The following DAB1 variants were observed in gnomAD, a reference collection of about 807,000 sequenced individuals.
DAB1 encodes DAB adaptor protein 1.
In DAB1, 15 loss-of-function variants were observed where a neutral mutation model predicts 64.6. The ratio of observed to expected loss-of-function variants is 0.23; its 90% CI spans 0.16 to 0.36. The LOEUF is 0.36. Ranked by LOEUF, DAB1 falls within the 10% of genes least tolerant of loss-of-function variation. The pLI, the probability that DAB1 is intolerant of heterozygous loss-of-function variation, is 1.00. For synonymous variants in DAB1, 235 were observed against 251.9 expected (o/e 0.93, Z 0.64); for missense variants, 596 against 706.7 (o/e 0.84, Z 1.78).
At chr1:57,743,318 C>A (rs1032061841) in intron 6 of DAB1, among the ~76,000 whole-genome samples, 2 of 152,296 alleles carry the variant, frequency 1.3e-5, no homozygotes, top group East Asian at 1.9e-4. Context: ...TCTCCCCCAC[C>A]CTTAAGAAGG....
intron 9 of DAB1, among the ~76,000 whole-genome samples, chr1:57,049,793 C>T (rs968159966): frequency 3.5e-4 from 53 of 152,164 alleles, no homozygotes; most frequent in Admixed American, 3.3e-3. Context: ...AACTGCATTG[C>T]CTGGGCTCCT....
intron 3 of DAB1, among the ~76,000 whole-genome samples, chr1:57,143,835 T>C (rs992051525): frequency 2.0e-5 from 3 of 151,946 alleles, no homozygotes; most frequent in Non-Finnish European, 4.4e-5. Flanking sequence ...GCTTTTTTTT[T>C]TCCTTTTCTT....
At chr1:57,233,642 C>T (rs1177769347) in intron 2 of DAB1, among the ~76,000 whole-genome samples, 1 of 151,254 alleles carries the variant, frequency 6.6e-6, no homozygotes, top group African/African-American at 2.4e-5. Context: ...ACCTGTAATC[C>T]CAGCTACTCA....
At chr1:58,451,939 C>T (rs1476823297) in intron 3 of DAB1, among the ~76,000 whole-genome samples, 15 of 126,166 alleles carry the variant, frequency 1.2e-4, no homozygotes, top group African/African-American at 3.6e-4. Context: ...TTTTTTTTGA[C>T]GGAGTTTCAC....
At chr1:57,337,463 A>G (rs925303627) in intron 1 of DAB1, among the ~76,000 whole-genome samples, 9 of 152,054 alleles carry the variant, frequency 5.9e-5, no homozygotes, top group Non-Finnish European at 1.0e-4. Context: ...GCCTCCTTGG[A>G]GCCTTTGCTC....
chr1:57,353,921 CT>C (rs1490570121), intron 1 of DAB1, among the ~76,000 whole-genome samples: 8 of 152,186 alleles, frequency 5.3e-5, no homozygotes, highest in Non-Finnish European at 8.8e-5. Context: ...CTCAAAGCTT[CT>C]TTTCCTTTCA....
chr1:57,281,248 G>A (rs941884700), intron 2 of DAB1, among the ~76,000 whole-genome samples: 1 of 152,166 alleles, frequency 6.6e-6, no homozygotes, highest in Non-Finnish European at 1.5e-5. Flanking sequence ...TGGAGAAAAT[G>A]CAAAGTGGTT....
At chr1:57,686,395 A>G (rs533428545) in intron 6 of DAB1, among the ~76,000 whole-genome samples, 1 of 152,282 alleles carries the variant, frequency 6.6e-6, no homozygotes, top group South Asian at 2.1e-4. Context: ...CCAAAATTCA[A>G]TCAGTAACAA....
At chr1:58,118,073 A>G (rs74472212) in intron 5 of DAB1, among the ~76,000 whole-genome samples, 5,316 of 151,260 alleles carry the variant, frequency 0.035, 218 homozygotes, top group South Asian at 0.1. Context: ...CTGCTAACTT[A>G]TTATTTTTTT....
Position 57,015,257 on chromosome 1 carries a change from A to G in DAB1, c.1070T>C (p.Val357Ala). ...GGCGGCTGGCGGAAACTGCCCGGCC[A>G]CAGTTGGCCAGGGCTGCTGAGTGGC... is the stretch of plus-strand genomic sequence containing the variant. The part of the protein sequence containing the change: ...FPATQQPWPT[V>A]AGQFPPAAFM... The change falls in exon 12 of 15, where the codon GTG becomes GCG. Residue 357 changes from valine (V) to alanine (A), a missense_variant. Physicochemically the swap from Val to Ala is moderately conservative, Grantham distance 64. Around this residue, in one of 3 missense-constraint regions of DAB1, gnomAD observed 377 missense variants for 400.4 expected, o/e 0.94. Transcript: ENST00000371236. The G allele has an allele frequency of 6.2e-7, 1 of 1,614,102 alleles. No homozygotes were observed. Among genetic ancestry groups the G allele is most frequent in the East Asian group, 2.2e-5 (1 of 44,860 alleles).
At chr1:58,199,360 A>T (rs1034012782) in intron 4 of DAB1, among the ~76,000 whole-genome samples, 2 of 152,208 alleles carry the variant, frequency 1.3e-5, no homozygotes, top group African/African-American at 4.8e-5. Flanking sequence ...TATATTCCTC[A>T]TTCATAAATT....
chr1:58,447,991 G>A (rs1645090561), intron 3 of DAB1, among the ~76,000 whole-genome samples: 1 of 151,984 alleles, frequency 6.6e-6, no homozygotes, highest in African/African-American at 2.4e-5. Context: ...CCGGGGGAAT[G>A]GCATGTCCTT....
chr1:57,487,427 A>C (rs1358104601), intron 7 of DAB1, among the ~76,000 whole-genome samples: 1 of 152,168 alleles, frequency 6.6e-6, no homozygotes, highest in Admixed American at 6.5e-5. Context: ...TAGATCCTTC[A>C]CCACGTGTGG....
chr1:57,889,454 G>A (rs773127288), intron 5 of DAB1, among the ~76,000 whole-genome samples: 27 of 152,218 alleles, frequency 1.8e-4, no homozygotes, highest in Non-Finnish European at 3.5e-4. Flanking sequence ...TGCTGTTCAA[G>A]TGACAGGATT....
chr1:57,565,504 T>C (rs1442549536), intron 7 of DAB1, among the ~76,000 whole-genome samples: 2 of 152,070 alleles, frequency 1.3e-5, no homozygotes, highest in Non-Finnish European at 2.9e-5. Context: ...TCAAGACCCA[T>C]CAGTGTGTTG....
intron 5 of DAB1, among the ~76,000 whole-genome samples, chr1:57,925,209 G>A (rs1360445057): frequency 2.6e-5 from 4 of 152,192 alleles, no homozygotes; most frequent in African/African-American, 4.8e-5. Context: ...CATTAGAAGA[G>A]TATGTGTTGA....
intron 3 of DAB1, among the ~76,000 whole-genome samples, chr1:58,392,691 A>G (rs1644485912): frequency 2.0e-5 from 3 of 152,188 alleles, no homozygotes; most frequent in South Asian, 2.1e-4. Context: ...CATGAGCTAT[A>G]TGCTTGGTGA....
At chr1:57,415,762 C>A (rs1197933653) in intron 1 of DAB1, among the ~76,000 whole-genome samples, 1 of 152,160 alleles carries the variant, frequency 6.6e-6, no homozygotes, top group East Asian at 1.9e-4. Context: ...CAATTCAAGA[C>A]AAGCACCACC....
At chr1:58,246,085 G>A (rs1215977533) in intron 4 of DAB1, among the ~76,000 whole-genome samples, 1 of 151,512 alleles carries the variant, frequency 6.6e-6, no homozygotes, top group Non-Finnish European at 1.5e-5. Context: ...ATACACTTCC[G>A]TATCGTTTGA....
Sources: allele counts gnomAD v4.1 joint callset (sites outside exome capture counted in the v4.1 genomes callset), GRCh38; gene constraint gnomAD v4.1.1; regional missense constraint gnomAD v4.1.1; transcripts MANE v1.5; gene names NCBI Gene and HGNC (gene_info 2026-07-23, HGNC 2026-07-21).